Variants in CYP4F22 observed in about 807,000 individuals in gnomAD.
The protein encoded by CYP4F22 is ultra-long-chain fatty acid omega-hydroxylase.
CYP4F22 carries 37 observed loss-of-function variants against 60.4 expected under a neutral mutation model. The observed-to-expected ratio is 0.61, with a 90% CI of 0.47 to 0.81. The LOEUF (loss-of-function observed/expected upper bound fraction) is 0.81. CYP4F22 is among the 30% of genes least tolerant of loss of function. The pLI is 0.00. For synonymous variants in CYP4F22, 258 were observed against 280.5 expected (o/e 0.92, Z 0.80); for missense variants, 655 against 715.0 (o/e 0.92, Z 0.96).
Position 15,529,813 on chromosome 19 carries a change from G to C in CYP4F22, c.327G>C (p.Leu109=). 3.1e-6 allele frequency: 5 copies of C among 1,614,114 alleles called. No individual in the cohort carries two copies. The highest frequency in any genetic ancestry group is 4.2e-6 in the Non-Finnish European group (5 of 1,180,030). The change falls in exon 4 of 14, where the codon CTG becomes CTC. Residue 109 remains leucine, a synonymous_variant. Transcript: ENST00000269703. ...WMGPVLPLLV[L]VHPDYIKPLL... ...GACCTGTCCTGCCGCTGTTGGTTCT[G>C]GTGCACCCTGATTACATCAAACCCC...
intron 1 of CYP4F22, chr19:15,515,241 G>C (rs190036900): frequency 5.7e-6 from 4 of 707,520 alleles, no homozygotes; most frequent in Admixed American, 1.9e-5. Context: ...ACCGTCTCTC[G>C]GCCCACTAGA....
At chr19:15,525,128 A>G (rs1363916399) in intron 2 of CYP4F22, among the ~76,000 whole-genome samples, 1 of 152,154 alleles carries the variant, frequency 6.6e-6, no homozygotes, top group Non-Finnish European at 1.5e-5. Flanking sequence ...GGCCTTGTAA[A>G]AGTCAAGGCT....
rs201440998 is a variant in CYP4F22, at chr19:15,520,761, G to GT, written c.-108-2928dup. ...TGCTGCCATGCCCTGCTAATATTTT[G>GT]TTTTGTTTTTTTGTTTTTTTTTTTT... On this transcript the variant is annotated intron_variant, in intron 1 of 13. Coordinates refer to ENST00000269703, the MANE Select transcript of CYP4F22 (RefSeq NM_173483.4). Among the ~76,000 whole-genome samples the GT allele has an allele frequency of 3.5e-4, 50 of 141,376 alleles. 1 individual carries two copies. The highest frequency in any genetic ancestry group is 1.6e-3 in the East Asian group (7 of 4,492). 92.7% of individuals were successfully genotyped at this position (141,376 alleles called of 152,430 possible).
intron 1 of CYP4F22, among the ~76,000 whole-genome samples, chr19:15,515,068 G>C (rs2144497735): frequency 6.6e-6 from 1 of 152,250 alleles, no homozygotes; most frequent in East Asian, 1.9e-4. Flanking sequence ...GGTGCCCCAG[G>C]AGAGCCAGCT....
chr19:15,538,291 C>A (rs1389098440), intron 7 of CYP4F22, among the ~76,000 whole-genome samples: 1 of 152,050 alleles, frequency 6.6e-6, no homozygotes, highest in African/African-American at 2.4e-5. Context: ...TTTCATTCCA[C>A]TAGGAAGAGT....
At chr19:15,537,315 C>G in intron 4 of CYP4F22, 46 bp from the exon 5 acceptor site, 1 of 1,612,610 alleles carries the variant, frequency 6.2e-7, no homozygotes, top group Non-Finnish European at 8.5e-7. Flanking sequence ...AACAAAAAAC[C>G]AAAAAACTCT....
At chr19:15,542,324 G>T (rs1168843975) in intron 8 of CYP4F22, among the ~76,000 whole-genome samples, 2 of 151,996 alleles carry the variant, frequency 1.3e-5, no homozygotes, top group Non-Finnish European at 2.9e-5. Flanking sequence ...CTGAGGTCAG[G>T]AGTTCAAGAC....
chr19:15,543,539 A>G (rs1484587243), intron 8 of CYP4F22, among the ~76,000 whole-genome samples: 1 of 152,020 alleles, frequency 6.6e-6, no homozygotes, highest in Non-Finnish European at 1.5e-5. Context: ...TTCCTGGACT[A>G]GTTCCCCCCA....
chr19:15,514,670 T>TGAAAGAAAGAAAGAAAGAAAAA (rs1971133470), intron 1 of CYP4F22, among the ~76,000 whole-genome samples: 1 of 151,070 alleles, frequency 6.6e-6, no homozygotes, highest in Non-Finnish European at 1.5e-5. Context: ...GACTTTGTCT[T>TGAAAGAAAGAAAGAAAGAAAAA]GAAAGAAAGA....
At chr19:15,519,125 A>T (rs1189803197) in intron 1 of CYP4F22, among the ~76,000 whole-genome samples, 1 of 152,104 alleles carries the variant, frequency 6.6e-6, no homozygotes, top group Non-Finnish European at 1.5e-5. Flanking sequence ...CCTTTGAGAT[A>T]GGATTTCTGA....
Position 15,523,801 on chromosome 19 carries a change from T to G in CYP4F22, c.-2+2T>G, listed in dbSNP as rs754322299. 2 of 152,210 alleles carry G rather than the reference T, an allele frequency of 1.3e-5. No individual in the cohort carries two copies. The highest frequency in any genetic ancestry group is 2.4e-5 in the African/African-American group (1 of 41,452). 9.4% of individuals were successfully genotyped at this position (152,210 alleles called of 1,614,324 possible). On this transcript the variant is annotated splice_donor_variant, in intron 2 of 13. Transcript: ENST00000269703. LOFTEE classifies it low-confidence loss of function (5UTR_SPLICE). ...TGAACCCAAAAGAATTGAAAACAGG[T>G]ACTCAGATAAATACATGTACACACA... is the stretch of plus-strand genomic sequence containing the variant.
intron 4 of CYP4F22, among the ~76,000 whole-genome samples, chr19:15,535,327 C>A (rs1368462532): frequency 6.6e-6 from 1 of 152,248 alleles, no homozygotes; most frequent in Non-Finnish European, 1.5e-5. Flanking sequence ...CCCAGCATCA[C>A]CCAGCTTGGG....
In CYP4F22 at chr19:15,540,488, GC is replaced by G; in HGVS notation, c.711del (p.Ser237ArgfsTer133). The part of the protein sequence containing the change: ...SDYISAIIEL[S>X]ALSVRRQYRL... ...TATATCTCCGCTATCATTGAACTGA[GC>G]GCTCTGTCTGTCCGGCGCCAGTATC... is the stretch of plus-strand genomic sequence containing the variant. On this transcript the variant is annotated frameshift_variant, in exon 8 of 14. Transcript: ENST00000269703. LOFTEE classifies it high-confidence loss of function. 1 of 1,614,172 alleles carries G rather than the reference GC, an allele frequency of 6.2e-7. No individual in the cohort carries two copies. The highest frequency in any genetic ancestry group is 8.5e-7 in the Non-Finnish European group (1 of 1,180,050).
At chr19:15,549,701 G>C (rs915849541) in intron 12 of CYP4F22, among the ~76,000 whole-genome samples, 5 of 151,714 alleles carry the variant, frequency 3.3e-5, no homozygotes, top group Non-Finnish European at 7.4e-5. Flanking sequence ...GTGGTGGCTT[G>C]TGTCTGTAAT....
chr19:15,510,966 A>ATATATATATATATATATATAT (rs34055543), intron 1 of CYP4F22, among the ~76,000 whole-genome samples: 6 of 103,308 alleles, frequency 5.8e-5, no homozygotes, highest in Admixed American at 1.1e-4. Context: ...ATATATATAT[A>ATATATATATATATATATATAT]TTTTTTTTTT....
At chr19:15,549,978 G>C (rs1478824183) in intron 12 of CYP4F22, among the ~76,000 whole-genome samples, 1 of 152,064 alleles carries the variant, frequency 6.6e-6, no homozygotes, top group Non-Finnish European at 1.5e-5. Context: ...AAGCTGGAGC[G>C]TGTGCAGTGG....
chr19:15,511,346 C>A (rs1971090050), intron 1 of CYP4F22, among the ~76,000 whole-genome samples: 1 of 151,874 alleles, frequency 6.6e-6, no homozygotes, highest in Admixed American at 6.6e-5. Flanking sequence ...GTAGTCCCAG[C>A]TACTCAGGAT....
At chr19:15,542,380 A>AG (rs1971473436) in intron 8 of CYP4F22, among the ~76,000 whole-genome samples, 1 of 150,934 alleles carries the variant, frequency 6.6e-6, no homozygotes, top group Admixed American at 6.6e-5. Context: ...AAAAATAAAA[A>AG]AAAAATATTA....
chr19:15,518,919 G>A (rs1459026844), intron 1 of CYP4F22, among the ~76,000 whole-genome samples: 2 of 152,008 alleles, frequency 1.3e-5, no homozygotes, highest in Admixed American at 6.6e-5. Flanking sequence ...GGGTTGGGAT[G>A]ATGGGGATGG....
Sources: gnomAD v4.1 joint callset for allele counts (sites outside exome capture counted in the v4.1 genomes callset) on GRCh38, gnomAD v4.1.1 for gene constraint, MANE v1.5 for transcripts, NCBI Gene and HGNC (gene_info 2026-07-23, HGNC 2026-07-21) for gene names.